PGBD5: variants seen among roughly 807,000 people sequenced by gnomAD.
The protein encoded by PGBD5 is piggyBac transposable element-derived protein 5.
A neutral mutation model predicts 47.9 loss-of-function variants in PGBD5; 14 were observed. That is an observed-to-expected ratio of 0.29 (90% CI 0.19 to 0.46). The LOEUF (loss-of-function observed/expected upper bound fraction) is 0.46, where lower values mean the gene tolerates loss of function less well. Ranked by LOEUF, PGBD5 falls within the 20% of genes least tolerant of loss-of-function variation. PGBD5 has a pLI of 1.00. For missense variants in PGBD5, 635 were observed against 716.0 expected (o/e 0.89, Z 1.29); for synonymous variants, 316 against 306.3 (o/e 1.03, Z -0.33).
chr1:230,370,392 A>G (rs937012577), intron 1 of PGBD5, among the ~76,000 whole-genome samples: 4 of 148,604 alleles, frequency 2.7e-5, no homozygotes, highest in African/African-American at 1.0e-4. Flanking sequence ...CAGCTCCAGA[A>G]GTGTTGCCAA....
At position 230,338,527 on chromosome 1, in the gene PGBD5, C is replaced by T. The variant is rs766840074; in HGVS notation, c.895-1239G>A. Among the ~76,000 whole-genome samples, 7 of 152,196 alleles carry T rather than the reference C, an allele frequency of 4.6e-5. No individual in the cohort carries two copies. The South Asian group carries it at 1.0e-3, about 23-fold the overall frequency. ...AAAGCCGGCAATGATTGGCCAGGCACGGTGGCTCACGCCTGTAATCCCAGC... is the reference window on the plus strand; with the variant it reads ...AAAGCCGGCAATGATTGGCCAGGCATGGTGGCTCACGCCTGTAATCCCAGC... On this transcript the variant is annotated intron_variant, in intron 3 of 6. Transcript: ENST00000391860.
chr1:230,390,683 T>C (rs1656760448), intron 1 of PGBD5, among the ~76,000 whole-genome samples: 1 of 152,194 alleles, frequency 6.6e-6, no homozygotes. Context: ...GAAGGCTTCC[T>C]GGGACATCTC....
At chr1:230,342,104 C>G (rs1023573544) in intron 3 of PGBD5, among the ~76,000 whole-genome samples, 1 of 152,166 alleles carries the variant, frequency 6.6e-6, no homozygotes. Flanking sequence ...AATGCCCCCA[C>G]GACCTCCAGA....
intron 1 of PGBD5, chr1:230,368,065 T>C: frequency 7.3e-7 from 1 of 1,367,904 alleles, no homozygotes; most frequent in South Asian, 1.1e-5. Context: ...GGCTGGGTCT[T>C]TTTAGCTCTG....
chr1:230,347,477 T>TC (rs1667492439), intron 3 of PGBD5, among the ~76,000 whole-genome samples: 1 of 48,070 alleles, frequency 2.1e-5, no homozygotes, highest in Admixed American at 2.3e-4. Context: ...TTTTCTTTTC[T>TC]TTTTTTTTTT....
chr1:230,392,777 G>C (rs34416459), intron 1 of PGBD5, among the ~76,000 whole-genome samples: 2,978 of 152,230 alleles, frequency 0.02, 44 homozygotes, highest in Non-Finnish European at 0.027. Context: ...ACAGTGCTTG[G>C]CTCTCCGGCC....
At chr1:230,406,845 CT>C (rs1268656409) in intron 1 of PGBD5, among the ~76,000 whole-genome samples, 1 of 152,124 alleles carries the variant, frequency 6.6e-6, no homozygotes, top group African/African-American at 2.4e-5. Flanking sequence ...GACAACATCA[CT>C]TTTTTTGAGA....
At chr1:230,376,795 G>T (rs1668020990) in intron 1 of PGBD5, among the ~76,000 whole-genome samples, 1 of 152,104 alleles carries the variant, frequency 6.6e-6, no homozygotes, top group Admixed American at 6.5e-5. Flanking sequence ...GTTCTTTCTG[G>T]CTCTTTAAAA....
In PGBD5 at chr1:230,357,419, G is replaced by A. The variant is rs1018442192; in HGVS notation, c.332-98C>T. The A allele has an allele frequency of 9.7e-6, 13 of 1,333,510 alleles. No homozygotes were observed. The highest frequency in any genetic ancestry group is 4.4e-5 in the African/African-American group (3 of 68,578). The allele number at this position is 1,333,510 out of a possible 1,614,324, so 82.6% of individuals were successfully genotyped here. On this transcript the variant is annotated intron_variant, in intron 1 of 6. Coordinates refer to ENST00000391860, the MANE Select transcript of PGBD5 (RefSeq NM_001258311.2). The surrounding 1 kb of genome is among the most constrained non-coding windows in gnomAD (Gnocchi z 5.7). Reference sequence around the variant, plus strand: ...ATTTCCAATCCCTGGGTCCCTGGCCGAGTGCCCCCGCTGCCTCCAGTGCTA... The same window carrying A: ...ATTTCCAATCCCTGGGTCCCTGGCCAAGTGCCCCCGCTGCCTCCAGTGCTA...
chr1:230,396,193 C>T (rs1465562620), intron 1 of PGBD5, among the ~76,000 whole-genome samples: 4 of 107,296 alleles, frequency 3.7e-5, no homozygotes, highest in African/African-American at 1.2e-4. Context: ...CCTTTTTACC[C>T]CCCCACTCTT....
At chr1:230,358,755 C>T (rs755688456) in intron 1 of PGBD5, among the ~76,000 whole-genome samples, 2 of 152,230 alleles carry the variant, frequency 1.3e-5, no homozygotes, top group Non-Finnish European at 2.9e-5. Flanking sequence ...GTATTCAGTA[C>T]AGTCACATGC....
At chr1:230,352,792 C>A (rs1667578612) in intron 2 of PGBD5, among the ~76,000 whole-genome samples, 1 of 152,082 alleles carries the variant, frequency 6.6e-6, no homozygotes, top group African/African-American at 2.4e-5. Context: ...ATGAACAAGT[C>A]CCCCACACAG....
chr1:230,343,202 G>A (rs577043420), intron 3 of PGBD5, among the ~76,000 whole-genome samples: 40 of 152,290 alleles, frequency 2.6e-4, no homozygotes, highest in African/African-American at 9.4e-4. Context: ...CTTCAGCACC[G>A]CTGACCCCTG....
intron 2 of PGBD5, among the ~76,000 whole-genome samples, chr1:230,354,133 T>A (rs1667600439): frequency 6.6e-6 from 1 of 152,048 alleles, no homozygotes; most frequent in Non-Finnish European, 1.5e-5. Context: ...AAGCATGAGG[T>A]TCTGGTCATA....
intron 1 of PGBD5, among the ~76,000 whole-genome samples, chr1:230,394,258 GT>G (rs1374277778): frequency 4.6e-5 from 7 of 151,526 alleles, no homozygotes; most frequent in African/African-American, 1.5e-4. Flanking sequence ...AAGAACCTCC[GT>G]TTCGTTTCCC....
rs1667015047 is a variant in PGBD5 at position 230,320,240 on chromosome 1, A to C, written c.*3185T>G. ...ATGGAACCTGATCAAGTAGGCACCAAACAGAAACAGACATTCACTCAATGA... is the reference window on the plus strand; with the variant it reads ...ATGGAACCTGATCAAGTAGGCACCACACAGAAACAGACATTCACTCAATGA... On this transcript the variant is annotated 3_prime_UTR_variant, in exon 7 of 7. Coordinates refer to ENST00000391860, the MANE Select transcript of PGBD5 (RefSeq NM_001258311.2). 6.6e-6 allele frequency: 1 copy of C among 152,008 alleles called. No homozygotes were observed. Among genetic ancestry groups the C allele is most frequent in the Admixed American group, 6.6e-5 (1 of 15,264 alleles). 9.4% of individuals were successfully genotyped at this position (152,008 alleles called of 1,614,324 possible). A position where few individuals can be genotyped will look rare whatever the true frequency, so the allele number is the denominator to read the frequency against.
chr1:230,368,083 T>C (rs747607727), intron 1 of PGBD5: 5 of 1,367,822 alleles, frequency 3.7e-6, no homozygotes, highest in Non-Finnish European at 4.9e-6. Flanking sequence ...CTGTGGTTGC[T>C]TCTGATTTTC....
chr1:230,396,060 TTCC>T (rs1460394658), intron 1 of PGBD5, among the ~76,000 whole-genome samples: 3 of 146,260 alleles, frequency 2.1e-5, no homozygotes, highest in African/African-American at 7.7e-5. Flanking sequence ...GCTTCCCTCT[TTCC>T]TCCATCTTCC....
intron 1 of PGBD5, among the ~76,000 whole-genome samples, chr1:230,394,618 T>A: frequency 8.3e-6 from 1 of 120,540 alleles, no homozygotes; most frequent in African/African-American, 3.4e-5. Flanking sequence ...AGCTCCTCTC[T>A]CATTCCTACC....
Sources: allele counts gnomAD v4.1 joint callset (sites outside exome capture counted in the v4.1 genomes callset), GRCh38; gene constraint gnomAD v4.1.1; non-coding constraint Gnocchi (gnomAD v3.1); transcripts MANE v1.5; gene names NCBI Gene and HGNC (gene_info 2026-07-23, HGNC 2026-07-21).